The following PLCB4 variants were observed in gnomAD, a reference collection of about 807,000 sequenced individuals.
The protein encoded by PLCB4 is phospholipase C beta 4, also known as 1-phosphatidylinositol 4,5-bisphosphate phosphodiesterase beta-4.
In PLCB4, 77 loss-of-function variants were observed where a neutral mutation model predicts 178.8. The observed-to-expected ratio is 0.43, with a 90% CI of 0.36 to 0.52. The LOEUF is 0.52. Ranked by LOEUF, PLCB4 falls within the 20% of genes least tolerant of loss-of-function variation. The pLI, the probability that PLCB4 is intolerant of heterozygous loss-of-function variation, is 0.00. For missense variants in PLCB4, 1,024 were observed against 1,453.4 expected, an observed-to-expected ratio of 0.70 and a Z score of 4.80; for synonymous variants, 496 against 490.8, an observed-to-expected ratio of 1.01 and a Z score of -0.14.
chr20:9,175,278 G>A (rs1002227276), intron 2 of PLCB4, among the ~76,000 whole-genome samples: 9 of 152,212 alleles, frequency 5.9e-5, no homozygotes, highest in African/African-American at 2.2e-4. Context: ...TCACACTAGG[G>A]TGCTGGGGAG....
chr20:9,414,861 G>T (rs1259931941), intron 25 of PLCB4, among the ~76,000 whole-genome samples: 1 of 152,160 alleles, frequency 6.6e-6, no homozygotes, highest in African/African-American at 2.4e-5. Context: ...GTGAGTGATT[G>T]ATATCAAAAT....
chr20:9,416,195 G>C (rs1395699899), intron 25 of PLCB4, among the ~76,000 whole-genome samples: 2 of 152,190 alleles, frequency 1.3e-5, no homozygotes, highest in Admixed American at 6.5e-5. Context: ...CTCCTTCAGA[G>C]ATGAGTGTTC....
intron 3 of PLCB4, among the ~76,000 whole-genome samples, chr20:9,229,549 T>G (rs146582853): frequency 9.9e-5 from 15 of 152,066 alleles, no homozygotes; most frequent in African/African-American, 3.1e-4. Context: ...GGATTCCCTT[T>G]CAAGGTTCCA....
intron 3 of PLCB4, among the ~76,000 whole-genome samples, chr20:9,247,053 G>T (rs1021530583): frequency 6.6e-6 from 1 of 152,068 alleles, no homozygotes; most frequent in Non-Finnish European, 1.5e-5. Flanking sequence ...AAGTAGTGAT[G>T]ACAGTACCCA....
chr20:9,256,376 GCA>G (rs2094235900), intron 3 of PLCB4, among the ~76,000 whole-genome samples: 1 of 152,124 alleles, frequency 6.6e-6, no homozygotes, highest in African/African-American at 2.4e-5. Flanking sequence ...AGTGTCAAAT[GCA>G]CACTCCCAGC....
At chr20:9,334,610 A>G (rs1015321345) in intron 4 of PLCB4, among the ~76,000 whole-genome samples, 3 of 152,154 alleles carry the variant, frequency 2.0e-5, no homozygotes, top group African/African-American at 7.2e-5. Context: ...TTGGCCAAGA[A>G]AACACTAAAT....
intron 3 of PLCB4, among the ~76,000 whole-genome samples, chr20:9,271,709 A>G (rs1346071015): frequency 6.6e-6 from 1 of 152,140 alleles, no homozygotes; most frequent in Non-Finnish European, 1.5e-5. Context: ...CTTATTAGAA[A>G]CACTTAGCTT....
At chr20:9,418,977 T>G (rs2040442656) in intron 25 of PLCB4, among the ~76,000 whole-genome samples, 1 of 152,178 alleles carries the variant, frequency 6.6e-6, no homozygotes, top group South Asian at 2.1e-4. Flanking sequence ...TGTCATTGTA[T>G]AGAAATACAA....
chr20:9,214,099 A>G (rs1601199041), intron 2 of PLCB4, among the ~76,000 whole-genome samples: 1 of 152,200 alleles, frequency 6.6e-6, no homozygotes, highest in Non-Finnish European at 1.5e-5. Context: ...TTTGAAGGAC[A>G]AAAGTTTTTA....
intron 19 of PLCB4, among the ~76,000 whole-genome samples, chr20:9,397,205 A>G (rs1004556382): frequency 6.6e-6 from 1 of 152,220 alleles, no homozygotes; most frequent in African/African-American, 2.4e-5. Context: ...AGTAGATTCC[A>G]TCTCAAGAAA....
intron 2 of PLCB4, among the ~76,000 whole-genome samples, chr20:9,190,125 TG>T (rs1234691947): frequency 6.6e-6 from 1 of 152,162 alleles, no homozygotes; most frequent in South Asian, 2.1e-4. Context: ...GTCCTCTGGC[TG>T]GCTGAAGGGG....
chr20:9,186,498 G>C (rs977287722), intron 2 of PLCB4, among the ~76,000 whole-genome samples: 2 of 152,110 alleles, frequency 1.3e-5, no homozygotes, highest in African/African-American at 4.8e-5. Flanking sequence ...AAACCAACTA[G>C]TAAACCCAAA....
At position 9,289,709 on chromosome 20, in the gene PLCB4, G is replaced by A. The variant is rs8118460; in HGVS notation, c.-15-18091G>A. On this transcript the variant is annotated intron_variant, in intron 3 of 39. Transcript: ENST00000378473. ...TTTTACTTGAAATTAAGGAACTTTC[G>A]TCATGAGAACCAAGGTCAGACAATG... is the stretch of plus-strand genomic sequence containing the variant. Among the ~76,000 whole-genome samples, 803 of 152,082 alleles carry A rather than the reference G, an allele frequency of 5.3e-3. 9 individuals carry two copies. Among genetic ancestry groups the A allele is most frequent in the African/African-American group, 0.017 (723 of 41,490 alleles).
intron 4 of PLCB4, among the ~76,000 whole-genome samples, chr20:9,334,632 G>A (rs1346731522): frequency 2.0e-5 from 3 of 152,166 alleles, no homozygotes; most frequent in Admixed American, 6.5e-5. Flanking sequence ...AGACATGGAA[G>A]TTGCGAACCA....
intron 18 of PLCB4, among the ~76,000 whole-genome samples, chr20:9,394,150 C>T (rs911861918): frequency 7.2e-5 from 11 of 152,038 alleles, no homozygotes; most frequent in African/African-American, 2.4e-4. Context: ...TCCTTTTATT[C>T]TCCCAGGATG....
intron 2 of PLCB4, among the ~76,000 whole-genome samples, chr20:9,128,493 T>G (rs2092188701): frequency 6.6e-6 from 1 of 152,180 alleles, no homozygotes; most frequent in African/African-American, 2.4e-5. Flanking sequence ...CTTGGCTCAC[T>G]GCATCCTCTG....
chr20:9,169,411 A>G (rs1330066708), intron 2 of PLCB4, among the ~76,000 whole-genome samples: 2 of 147,400 alleles, frequency 1.4e-5, no homozygotes, highest in African/African-American at 5.1e-5. Flanking sequence ...AACATGGTGA[A>G]ACCCCATCTC....
chr20:9,184,083 G>A (rs1424111315), intron 2 of PLCB4, among the ~76,000 whole-genome samples: 1 of 152,130 alleles, frequency 6.6e-6, no homozygotes, highest in Non-Finnish European at 1.5e-5. Flanking sequence ...CCATTGGAAG[G>A]TACCAGAAGA....
chr20:9,355,924 G>A (rs1483990268), intron 7 of PLCB4, among the ~76,000 whole-genome samples: 1 of 152,218 alleles, frequency 6.6e-6, no homozygotes, highest in Non-Finnish European at 1.5e-5. Flanking sequence ...CAGTGCAAAA[G>A]TGTTCCCACC....
Sources: gnomAD v4.1 joint callset for allele counts (sites outside exome capture counted in the v4.1 genomes callset) on GRCh38, gnomAD v4.1.1 for gene constraint, MANE v1.5 for transcripts, NCBI Gene and HGNC (gene_info 2026-07-23, HGNC 2026-07-21) for gene names.